Variants in ENOX1 observed in about 807,000 individuals in gnomAD.
The protein encoded by ENOX1 is ecto-NOX disulfide-thiol exchanger 1.
Under a neutral mutation model 82.5 loss-of-function variants are expected in ENOX1, and 42 were observed. The ratio of observed to expected loss-of-function variants is 0.51; its 90% CI spans 0.40 to 0.66. The LOEUF is 0.66. ENOX1 is among the 30% of genes least tolerant of loss of function. ENOX1 has a pLI of 0.00. For synonymous variants in ENOX1, 271 were observed against 282.2 expected, an observed-to-expected ratio of 0.96 and a Z score of 0.40; for missense variants, 608 against 811.6, an observed-to-expected ratio of 0.75 and a Z score of 3.05.
chr13:43,458,031 G>A (rs1320460299), intron 3 of ENOX1, among the ~76,000 whole-genome samples: 1 of 151,972 alleles, frequency 6.6e-6, no homozygotes, highest in Non-Finnish European at 1.5e-5. Context: ...TTATTTTCCT[G>A]CTTATATTTC....
At chr13:43,753,109 C>T (rs1182588713) in intron 1 of ENOX1, among the ~76,000 whole-genome samples, 1 of 152,186 alleles carries the variant, frequency 6.6e-6, no homozygotes, top group Non-Finnish European at 1.5e-5. Flanking sequence ...ATCCACCCAC[C>T]TCAACCTCTC....
intron 16 of ENOX1, among the ~76,000 whole-genome samples, chr13:43,221,800 A>G (rs1375997537): frequency 6.6e-6 from 1 of 152,118 alleles, no homozygotes; most frequent in East Asian, 1.9e-4. Flanking sequence ...CTTTGGGGAA[A>G]TCCTGACCAC....
At chr13:43,740,988 G>A (rs933476376) in intron 1 of ENOX1, among the ~76,000 whole-genome samples, 1 of 151,956 alleles carries the variant, frequency 6.6e-6, no homozygotes, top group Non-Finnish European at 1.5e-5. Context: ...CAGTTCTCTC[G>A]GGTAAATATC....
chr13:43,223,544 A>G (rs1242590019), intron 16 of ENOX1, among the ~76,000 whole-genome samples: 1 of 152,206 alleles, frequency 6.6e-6, no homozygotes, highest in Non-Finnish European at 1.5e-5. Context: ...CTGGAGGGGC[A>G]CAGCTGAGAA....
intron 2 of ENOX1, among the ~76,000 whole-genome samples, chr13:43,553,810 C>T (rs147816717): frequency 3.3e-4 from 50 of 152,278 alleles, no homozygotes; most frequent in African/African-American, 1.1e-3. Context: ...TGCAGCTGCG[C>T]GATCTCCGCT....
At chr13:43,551,822 C>G (rs1234045583) in intron 2 of ENOX1, among the ~76,000 whole-genome samples, 2 of 152,168 alleles carry the variant, frequency 1.3e-5, no homozygotes, top group African/African-American at 4.8e-5. Flanking sequence ...CCACCTCAGA[C>G]AAGATGAGGT....
In ENOX1 at chr13:43,392,401, G is replaced by A. The variant is rs535081126; in HGVS notation, c.208+19515C>T. Among the ~76,000 whole-genome samples the A allele has an allele frequency of 1.4e-4, 22 of 152,320 alleles. No individual in the cohort carries two copies. The South Asian group carries it at 1.9e-3, about 13-fold the overall frequency. On this transcript the variant is annotated intron_variant, in intron 5 of 16. Coordinates refer to ENST00000690772, the MANE Select transcript of ENOX1 (RefSeq NM_001347969.2). ...ATGACATTAAAACTAGTATGAGGCC[G>A]GGTGCACTGGCTCACGCCTGTAATC... is the stretch of plus-strand genomic sequence containing the variant.
chr13:43,630,621 G>C (rs2083163728), intron 2 of ENOX1, among the ~76,000 whole-genome samples: 1 of 150,820 alleles, frequency 6.6e-6, no homozygotes, highest in African/African-American at 2.4e-5. Context: ...TAGAATAGAG[G>C]GTGTGTGTAC....
At chr13:43,407,582 T>A (rs2053875362) in intron 5 of ENOX1, among the ~76,000 whole-genome samples, 1 of 152,190 alleles carries the variant, frequency 6.6e-6, no homozygotes, top group Non-Finnish European at 1.5e-5. Flanking sequence ...AATGCAGGCA[T>A]TTTTTAAAGG....
chr13:43,297,564 C>T (rs1162973501), intron 12 of ENOX1, among the ~76,000 whole-genome samples: 1 of 152,088 alleles, frequency 6.6e-6, no homozygotes, highest in African/African-American at 2.4e-5. Context: ...TACCAATTGA[C>T]GTTTTCAGAT....
intron 5 of ENOX1, among the ~76,000 whole-genome samples, chr13:43,408,642 T>A (rs1424056229): frequency 1.3e-5 from 2 of 151,120 alleles, no homozygotes; most frequent in African/African-American, 4.9e-5. Flanking sequence ...AACATAGTGC[T>A]GCACACCAGG....
At chr13:43,772,318 T>C (rs561086623) in intron 1 of ENOX1, among the ~76,000 whole-genome samples, 1 of 152,162 alleles carries the variant, frequency 6.6e-6, no homozygotes, top group Non-Finnish European at 1.5e-5. Context: ...CTATACTACA[T>C]GTTGGCTTTG....
chr13:43,581,421 C>T (rs1241573964), intron 2 of ENOX1, among the ~76,000 whole-genome samples: 2 of 152,048 alleles, frequency 1.3e-5, no homozygotes, highest in South Asian at 2.1e-4. Flanking sequence ...CGTGAGCCAC[C>T]GCGCCCGGCC....
At chr13:43,215,360 G>T (rs928282317) in intron 16 of ENOX1, among the ~76,000 whole-genome samples, 1 of 152,172 alleles carries the variant, frequency 6.6e-6, no homozygotes. Flanking sequence ...TTTGAAATCT[G>T]AATGCATTTT....
chr13:43,561,799 G>C (rs1342352423), intron 2 of ENOX1, among the ~76,000 whole-genome samples: 1 of 152,004 alleles, frequency 6.6e-6, no homozygotes, highest in Non-Finnish European at 1.5e-5. Flanking sequence ...TGGGCTACAT[G>C]GTGAAATCCC....
At chr13:43,511,187 TCCA>T (rs1249550438) in intron 2 of ENOX1, among the ~76,000 whole-genome samples, 6 of 152,166 alleles carry the variant, frequency 3.9e-5, no homozygotes, top group African/African-American at 1.4e-4. Context: ...AGGCTCTCTA[TCCA>T]TTCTTGGCTT....
rs528628123 is a variant in ENOX1, at chr13:43,480,428, T to A, written c.-75+3581A>T. Among the ~76,000 whole-genome samples, 363 of 152,324 alleles carry A rather than the reference T, an allele frequency of 2.4e-3. 1 individual carries two copies. The highest frequency in any genetic ancestry group is 0.019 in the South Asian group (93 of 4,816). On this transcript the variant is annotated intron_variant, in intron 3 of 16. Transcript: ENST00000690772. ...GAGACTCAGGAAAGAACTGTGAGGA[T>A]AATTAAAATTTTGGATTATGCAGAT...
At position 43,355,523 on chromosome 13, in the gene ENOX1, G is replaced by A. The variant is rs946196998; in HGVS notation, c.823+396C>T. 9.8e-5 allele frequency among the ~76,000 whole-genome samples: 15 copies of A among 152,294 alleles called. 1 individual carries two copies. Among genetic ancestry groups the A allele is most frequent in the African/African-American group, 3.1e-4 (13 of 41,566 alleles). On this transcript the variant is annotated intron_variant, in intron 8 of 16. Coordinates refer to ENST00000690772, the MANE Select transcript of ENOX1 (RefSeq NM_001347969.2). ...ATAGAGCTGGAGGAACACTAAGAAC[G>A]CCCCACCAATGGCACAAATAGTTGC...
At chr13:43,517,623 G>GC (rs1018622691) in intron 2 of ENOX1, among the ~76,000 whole-genome samples, 1 of 152,152 alleles carries the variant, frequency 6.6e-6, no homozygotes, top group African/African-American at 2.4e-5. Flanking sequence ...AGGAGTGAGT[G>GC]CCCTCTGCCT....
Sources: gnomAD v4.1 joint callset for allele counts (sites outside exome capture counted in the v4.1 genomes callset) on GRCh38, gnomAD v4.1.1 for gene constraint, MANE v1.5 for transcripts, NCBI Gene and HGNC (gene_info 2026-07-23, HGNC 2026-07-21) for gene names.